Variants in HOXB3 observed in about 807,000 individuals in gnomAD.
The protein encoded by HOXB3 is homeobox B3.
Under a neutral mutation model 29.2 loss-of-function variants are expected in HOXB3, and 17 were observed. The observed-to-expected ratio is 0.58, with a 90% CI of 0.40 to 0.87. The LOEUF (loss-of-function observed/expected upper bound fraction) is 0.87. HOXB3 is among the 40% of genes least tolerant of loss of function. The pLI is 0.00. For synonymous variants in HOXB3, 317 were observed against 285.9 expected, an observed-to-expected ratio of 1.11 and a Z score of -1.10; for missense variants, 637 against 616.3, an observed-to-expected ratio of 1.03 and a Z score of -0.35.
chr17:48,550,266 G>T lies in HOXB3; in HGVS notation c.*68C>A. 1 of 1,600,706 alleles carries T rather than the reference G, an allele frequency of 6.2e-7. No homozygotes were observed. The highest frequency in any genetic ancestry group is 8.5e-7 in the Non-Finnish European group (1 of 1,174,296). ...CTGGCTCCTCTTTTCAGACCTCCAG[G>T]TTGCCCCCCAGAGCTCCACAGTCTC... On this transcript the variant is annotated 3_prime_UTR_variant, in exon 5 of 5. Transcript: ENST00000498678.
At position 48,551,172 on chromosome 17, in the gene HOXB3, C is replaced by A; in HGVS notation, c.458G>T (p.Cys153Phe). 1 of 1,299,988 alleles carries A rather than the reference C, an allele frequency of 7.7e-7. No homozygotes were observed. The highest frequency in any genetic ancestry group is 9.8e-7 in the Non-Finnish European group (1 of 1,024,092). The allele number at this position is 1,299,988 out of a possible 1,614,324, so 80.5% of individuals were successfully genotyped here. A position where few individuals can be genotyped will look rare whatever the true frequency, so the allele number is the denominator to read the frequency against. Residue 153 changes from cysteine (C) to phenylalanine (F), a missense_variant, in exon 5 of 5, where the codon TGT (cysteine) becomes TTT (phenylalanine). Transcript: ENST00000498678. ...GCCGCCGCCACCGCCGCCGCCACCA[C>A]AGCCCTCTGCTGGATCCGAGGGGGA... ...KNNSPGTAEG[C>F]GGGGGGGGGG...
At chr17:48,565,872 G>A (rs1282749300) in intron 2 of HOXB3, among the ~76,000 whole-genome samples, 1 of 152,046 alleles carries the variant, frequency 6.6e-6, no homozygotes, top group Admixed American at 6.6e-5. Context: ...TCACCTCCTT[G>A]GGCTCAGCCT....
chr17:48,555,335 GGAGAGA>G lies in HOXB3; in HGVS notation c.-159+190_-159+195del, dbSNP rs763845981. The G allele has an allele frequency of 9.5e-4, 447 of 470,096 alleles. 4 individuals are homozygous for G. Among genetic ancestry groups the G allele is most frequent in the East Asian group, 2.4e-3 (64 of 26,930 alleles). 29.1% of individuals were successfully genotyped at this position (470,096 alleles called of 1,614,324 possible). The stretch of plus-strand genomic sequence containing the variant: ...AGGAAGAGAGAGGGGAGAGAGAGAG[GGAGAGA>G]GAGAGAGAGAGAGAGAGAGAGAGGG... On this transcript the variant is annotated intron_variant, in intron 3 of 4. Coordinates refer to ENST00000498678, the MANE Select transcript of HOXB3 (RefSeq NM_001384749.1).
chr17:48,588,723 A>G (rs2070091575), intron 1 of HOXB3, among the ~76,000 whole-genome samples: 2 of 152,326 alleles, frequency 1.3e-5, no homozygotes, highest in South Asian at 2.1e-4. Flanking sequence ...TTGGGATGAT[A>G]TGTCTTCAAA....
At chr17:48,572,175 G>C (rs1324926530) in intron 2 of HOXB3, among the ~76,000 whole-genome samples, 2 of 152,114 alleles carry the variant, frequency 1.3e-5, no homozygotes, top group Non-Finnish European at 2.9e-5. Context: ...GGCTAACCTG[G>C]GACAGCAGGC....
In HOXB3 at chr17:48,550,769, C is replaced by G. The variant is rs564050901; in HGVS notation, c.861G>C (p.Glu287Asp). 3 of 1,602,910 alleles carry G rather than the reference C, an allele frequency of 1.9e-6. No individual in the cohort carries two copies. The highest frequency in any genetic ancestry group is 1.1e-5 in the South Asian group (1 of 90,310). The change falls in exon 5 of 5, where the codon GAG becomes GAC. Residue 287 changes from glutamate to aspartate, a missense_variant. Coordinates refer to ENST00000498678, the MANE Select transcript of HOXB3 (RefSeq NM_001384749.1). ...TACCGAAGGCGGGTGGGGACGGGCT[C>G]TCGTAGCTGGGGGTCATGGAGTGTA... is the stretch of plus-strand genomic sequence containing the variant. Reference protein sequence around the residue: ...NALHSMTPSYESPSPPAFGKA... With the variant: ...NALHSMTPSYDSPSPPAFGKA...
rs2068717407 is a variant in HOXB3, at chr17:48,551,096, CCCTCCCCCG to C, written c.525_533del (p.Gly176_Gly178del). On this transcript the variant is annotated inframe_deletion, in exon 5 of 5. Transcript: ENST00000498678. ...CCGCCGACCCCGGGGGGCTCTTGTC[CCCTCCCCCG>C]CCGCCGCCGCCACCGCCCCCGCTGC... The C allele has an allele frequency of 7.1e-7, 1 of 1,409,102 alleles. No individual in the cohort carries two copies. The highest frequency in any genetic ancestry group is 2.8e-5 in the East Asian group (1 of 35,960). 87.3% of individuals were successfully genotyped at this position (1,409,102 alleles called of 1,614,324 possible). A position where few individuals can be genotyped will look rare whatever the true frequency, so the allele number is the denominator to read the frequency against.
At position 48,552,507 on chromosome 17, in the gene HOXB3, T is replaced by A; in HGVS notation, c.-33A>T. ...TGAGGCCTGGGCAGTGGGTGGCAAC[T>A]TGGAAAGGCCTGATACCCTCAGGAC... On this transcript the variant is annotated 5_prime_UTR_variant, in exon 4 of 5. It adds an upstream start codon to the 5' untranslated region. Coordinates refer to ENST00000498678, the MANE Select transcript of HOXB3 (RefSeq NM_001384749.1). The A allele has an allele frequency of 6.6e-7, 1 of 1,520,468 alleles. No individual in the cohort carries two copies. The highest frequency in any genetic ancestry group is 8.9e-7 in the Non-Finnish European group (1 of 1,124,874). 94.2% of individuals were successfully genotyped at this position (1,520,468 alleles called of 1,614,324 possible).
intron 1 of HOXB3, among the ~76,000 whole-genome samples, chr17:48,582,830 T>C (rs2069976270): frequency 6.6e-6 from 1 of 152,228 alleles, no homozygotes; most frequent in Non-Finnish European, 1.5e-5. Flanking sequence ...TGATTTTCCA[T>C]CATTCCCATA....
chr17:48,586,384 A>T (rs1055547148), intron 1 of HOXB3, among the ~76,000 whole-genome samples: 2 of 152,190 alleles, frequency 1.3e-5, no homozygotes, highest in African/African-American at 2.4e-5. Flanking sequence ...GCCAAAAGAA[A>T]GAACGAAAGA....
intron 4 of HOXB3, 148 bp from the exon 5 acceptor site, chr17:48,551,329 CCTCA>C: frequency 1.1e-6 from 1 of 945,368 alleles, no homozygotes; most frequent in Non-Finnish European, 1.4e-6. Flanking sequence ...CCCGCCGCCT[CCTCA>C]CTCCCCCACC....
In HOXB3 at chr17:48,555,598, G is replaced by C. The variant is rs1179475765; in HGVS notation, c.-226C>G. 2.8e-6 allele frequency: 2 copies of C among 702,628 alleles called. No homozygotes were observed. The highest frequency in any genetic ancestry group is 3.5e-5 in the African/African-American group (2 of 57,230). The allele number at this position is 702,628 out of a possible 1,614,324, so 43.5% of individuals were successfully genotyped here. ...TTCACATCGAGCCCCAGAGCGAGCG[G>C]CAGGCGACAAATCTCCCCTCCTTGA... On this transcript the variant is annotated 5_prime_UTR_variant, in exon 3 of 5. Coordinates refer to ENST00000498678, the MANE Select transcript of HOXB3 (RefSeq NM_001384749.1).
chr17:48,556,540 G>C (rs2068998583), intron 2 of HOXB3: 1 of 126,106 alleles, frequency 7.9e-6, no homozygotes, highest in African/African-American at 3.2e-5. Flanking sequence ...GAGAGGGAAA[G>C]ACCAGAACTT....
intron 1 of HOXB3, chr17:48,576,649 G>GGGCCCC: frequency 2.6e-6 from 2 of 774,816 alleles, no homozygotes; most frequent in African/African-American, 1.9e-5. Flanking sequence ...GCCCCCTCCT[G>GGGCCCC]TCCCCCCACC....
chr17:48,549,302 G>C lies in HOXB3; in HGVS notation c.*1032C>G, dbSNP rs200675771. On this transcript the variant is annotated 3_prime_UTR_variant, in exon 5 of 5. Coordinates refer to ENST00000498678, the MANE Select transcript of HOXB3 (RefSeq NM_001384749.1). ...TATGAAAATGTTCACTAGAACACAC[G>C]CTTTTTTGAGCAATGCTGGACTTCT... The C allele has an allele frequency of 6.6e-6, 1 of 152,416 alleles. No homozygotes were observed. Among genetic ancestry groups the C allele is most frequent in the Non-Finnish European group, 1.5e-5 (1 of 68,022 alleles). The allele number at this position is 152,416 out of a possible 1,614,324, so 9.4% of individuals were successfully genotyped here. A position where few individuals can be genotyped will look rare whatever the true frequency, so the allele number is the denominator to read the frequency against.
chr17:48,578,480 A>G, intron 1 of HOXB3: 1 of 892,438 alleles, frequency 1.1e-6, no homozygotes, highest in Non-Finnish European at 1.6e-6. Flanking sequence ...TTCCCGGATA[A>G]GGAAATCTGC....
chr17:48,568,334 T>A (rs1215716675), intron 2 of HOXB3, among the ~76,000 whole-genome samples: 1 of 152,240 alleles, frequency 6.6e-6, no homozygotes, highest in South Asian at 2.1e-4. Flanking sequence ...TATATGCCAA[T>A]GAGGCATTTC....
intron 2 of HOXB3, among the ~76,000 whole-genome samples, chr17:48,570,404 A>G (rs2069549769): frequency 6.6e-6 from 1 of 152,214 alleles, no homozygotes; most frequent in Non-Finnish European, 1.5e-5. Context: ...AGGGAAGCAG[A>G]AAAGACATTC....
intron 2 of HOXB3, among the ~76,000 whole-genome samples, chr17:48,565,137 A>AGAAAG (rs2069350355): frequency 6.6e-6 from 1 of 152,182 alleles, no homozygotes; most frequent in African/African-American, 2.4e-5. Flanking sequence ...AGAAAAGCCA[A>AGAAAG]GAAAGGATTC....
Sources: allele counts gnomAD v4.1 joint callset (sites outside exome capture counted in the v4.1 genomes callset), GRCh38; gene constraint gnomAD v4.1.1; transcripts MANE v1.5; gene names NCBI Gene and HGNC (gene_info 2026-07-23, HGNC 2026-07-21).